Variants in PDE1A observed in about 807,000 individuals in gnomAD.
PDE1A encodes the protein phosphodiesterase 1A.
PDE1A carries 35 observed loss-of-function variants against 61.7 expected under a neutral mutation model. The ratio of observed to expected loss-of-function variants is 0.57; its 90% CI spans 0.43 to 0.75. PDE1A has a LOEUF of 0.75. Ranked by LOEUF, PDE1A falls within the 30% of genes least tolerant of loss-of-function variation. The pLI is 0.00. For synonymous variants in PDE1A, 232 were observed against 213.2 expected, an observed-to-expected ratio of 1.09 and a Z score of -0.77; for missense variants, 597 against 630.6, an observed-to-expected ratio of 0.95 and a Z score of 0.57.
chr2:182,699,041 T>G, the PDE1A span, among the ~76,000 whole-genome samples: 2 of 152,198 alleles, frequency 1.3e-5, no homozygotes, highest in East Asian at 3.8e-4. Flanking sequence ...CATTAAAGAC[T>G]TCACGTCTAT....
chr2:182,205,994 A>G, exon 8 of PDE1A: 1 of 1,612,152 alleles, frequency 6.2e-7, no homozygotes, highest in Non-Finnish European at 8.5e-7. Context: ...TTCTTGCATA[A>G]GTCGATAAGC....
chr2:182,705,562 G>A, the PDE1A span, among the ~76,000 whole-genome samples: 1 of 151,844 alleles, frequency 6.6e-6, no homozygotes, highest in East Asian at 1.9e-4. Context: ...CTGGAGTGGA[G>A]TGCAGTTGTG....
the PDE1A span, among the ~76,000 whole-genome samples, chr2:182,706,233 T>C: frequency 3.3e-4 from 51 of 152,266 alleles, 1 homozygote; most frequent in Admixed American, 2.9e-3. Context: ...TATTCCCTCC[T>C]TTAGGGACAG....
chr2:182,196,481 T>C (rs1481503771), intron 10 of PDE1A, among the ~76,000 whole-genome samples: 3 of 151,872 alleles, frequency 2.0e-5, no homozygotes, highest in Non-Finnish European at 4.4e-5. Context: ...GCTACCTTCA[T>C]TATGATATAC....
chr2:182,616,521 A>G, the PDE1A span, among the ~76,000 whole-genome samples: 4 of 152,230 alleles, frequency 2.6e-5, no homozygotes, highest in Admixed American at 6.5e-5. Context: ...TGCATACCTC[A>G]GCAACTCCAA....
intron 1 of PDE1A, among the ~76,000 whole-genome samples, chr2:182,416,347 G>A (rs1702917420): frequency 6.6e-6 from 1 of 152,288 alleles, no homozygotes; most frequent in African/African-American, 2.4e-5. Context: ...CCAAATGGGT[G>A]TACAGTGACA....
At chr2:182,294,101 C>T (rs1694717589) in intron 1 of PDE1A, among the ~76,000 whole-genome samples, 1 of 152,194 alleles carries the variant, frequency 6.6e-6, no homozygotes, top group African/African-American at 2.4e-5. Flanking sequence ...GATTTAATCA[C>T]ACAAATCAGG....
At chr2:182,238,377 G>C (rs1012932017) in intron 3 of PDE1A, among the ~76,000 whole-genome samples, 20 of 151,998 alleles carry the variant, frequency 1.3e-4, no homozygotes, top group African/African-American at 4.6e-4. Flanking sequence ...TAGGAGGAGA[G>C]GAGCCCAGTT....
the PDE1A span, among the ~76,000 whole-genome samples, chr2:182,621,628 TC>T: frequency 0.068 from 10,298 of 152,268 alleles, 367 homozygotes; most frequent in Middle Eastern, 0.085. Context: ...TCCTTGTTTT[TC>T]TCTCCCTTTG....
chr2:182,263,995 T>A (rs1692418245), intron 2 of PDE1A, among the ~76,000 whole-genome samples: 1 of 152,166 alleles, frequency 6.6e-6, no homozygotes. Context: ...TACACGTAAC[T>A]CTGACATTTA....
chr2:182,428,689 C>A (rs1267452886), upstream of PDE1A, among the ~76,000 whole-genome samples: 1 of 152,042 alleles, frequency 6.6e-6, no homozygotes, highest in Non-Finnish European at 1.5e-5. Flanking sequence ...ACACATTGTA[C>A]AGGTCTTCTG....
At chr2:182,228,967 G>A (rs531962735) in intron 6 of PDE1A, among the ~76,000 whole-genome samples, 1 of 152,094 alleles carries the variant, frequency 6.6e-6, no homozygotes, top group African/African-American at 2.4e-5. Flanking sequence ...GGAGTCATGC[G>A]AGGCTGGGCC....
chr2:182,625,499 G>A, the PDE1A span, among the ~76,000 whole-genome samples: 1 of 152,182 alleles, frequency 6.6e-6, no homozygotes, highest in Non-Finnish European at 1.5e-5. Context: ...CCTACATGCA[G>A]AGACCATGCC....
At chr2:182,563,363 GT>G in the PDE1A span, among the ~76,000 whole-genome samples, 1 of 152,130 alleles carries the variant, frequency 6.6e-6, no homozygotes, top group African/African-American at 2.4e-5. Context: ...TAGTTAAGTG[GT>G]TTTGAGTGAG....
chr2:182,694,105 C>T, the PDE1A span, among the ~76,000 whole-genome samples: 10 of 152,126 alleles, frequency 6.6e-5, no homozygotes, highest in Non-Finnish European at 8.8e-5. Context: ...ATATTTTCTT[C>T]TTAGATAGAT....
chr2:182,403,484 A>G (rs1702123463), intron 1 of PDE1A, among the ~76,000 whole-genome samples: 1 of 151,840 alleles, frequency 6.6e-6, no homozygotes, highest in Non-Finnish European at 1.5e-5. Flanking sequence ...CTGTAGTCCC[A>G]GCTACTCGGG....
chr2:182,216,153 C>T (rs1310384120), intron 7 of PDE1A, among the ~76,000 whole-genome samples: 13 of 81,856 alleles, frequency 1.6e-4, no homozygotes, highest in Admixed American at 1.4e-4. Context: ...TAAACAGAGC[C>T]AAAGACAAAA....
chr2:182,277,685 T>A (rs1693525381), intron 1 of PDE1A, among the ~76,000 whole-genome samples: 1 of 152,080 alleles, frequency 6.6e-6, no homozygotes, highest in African/African-American at 2.4e-5. Flanking sequence ...ATGGTCTAGA[T>A]CCTTGCTAGA....
At chr2:182,561,328 C>T in the PDE1A span, among the ~76,000 whole-genome samples, 3,959 of 152,118 alleles carry the variant, frequency 0.026, 88 homozygotes, top group Non-Finnish European at 0.042. Context: ...TTCCCCATTG[C>T]TTGTTTTTCT....
Sources: gnomAD v4.1 joint callset for allele counts (sites outside exome capture counted in the v4.1 genomes callset) on GRCh38, gnomAD v4.1.1 for gene constraint, MANE v1.5 for transcripts, NCBI Gene and HGNC (gene_info 2026-07-23, HGNC 2026-07-21) for gene names.